Variants in SLC24A2 observed in about 807,000 individuals in gnomAD.
SLC24A2 encodes sodium/potassium/calcium exchanger 2.
SLC24A2 carries 36 observed loss-of-function variants against 62.0 expected under a neutral mutation model. That is an observed-to-expected ratio of 0.58 (90% CI 0.44 to 0.77). The LOEUF is 0.77. Among genes scored for constraint, SLC24A2 ranks in the 30% least tolerant of loss-of-function variants. The probability of loss-of-function intolerance (pLI) is 0.00; values close to 1 mark genes in which losing one functional copy is unlikely to be tolerated. For synonymous variants in SLC24A2, 358 were observed against 294.0 expected (o/e 1.22, Z -2.23); for missense variants, 846 against 817.9 (o/e 1.03, Z -0.42).
chr9:19,987,837 T>C, the SLC24A2 span, among the ~76,000 whole-genome samples: 3 of 152,174 alleles, frequency 2.0e-5, no homozygotes, highest in Admixed American at 1.3e-4. Flanking sequence ...AATCCTTACA[T>C]AGAGGAAACA....
intron 1 of SLC24A2, 26 bp downstream of exon 1, chr9:19,788,859 G>A: frequency 1.0e-6 from 1 of 985,444 alleles, no homozygotes; most frequent in Non-Finnish European, 1.2e-6. Flanking sequence ...TACAGCGGCA[G>A]GCGGGGCGCA....
the SLC24A2 span, among the ~76,000 whole-genome samples, chr9:19,858,995 T>C: frequency 4.6e-5 from 7 of 152,194 alleles, no homozygotes. Flanking sequence ...ATTTCATTAT[T>C]GGGTATATAC....
chr9:19,890,422 G>A, the SLC24A2 span, among the ~76,000 whole-genome samples: 1 of 152,134 alleles, frequency 6.6e-6, no homozygotes, highest in South Asian at 2.1e-4. Flanking sequence ...TCTCACCAAT[G>A]TCAATGGGCA....
chr9:19,570,586 C>T (rs1294040085), intron 7 of SLC24A2, among the ~76,000 whole-genome samples: 1 of 152,194 alleles, frequency 6.6e-6, no homozygotes, highest in Non-Finnish European at 1.5e-5. Flanking sequence ...TGAGCTCTTT[C>T]AAGGAAAGGA....
In SLC24A2 at chr9:19,532,728, T is replaced by C. The variant is rs555193395; in HGVS notation, c.1480-4590A>G. Among the ~76,000 whole-genome samples the C allele has an allele frequency of 3.3e-5, 5 of 152,332 alleles. No homozygotes were observed. In the East Asian group the frequency reaches 9.6e-4, roughly 29 times the overall value. On this transcript the variant is annotated intron_variant, in intron 8 of 10. Coordinates refer to ENST00000341998, the MANE Select transcript of SLC24A2 (RefSeq NM_020344.4). ...CCAAACCTCTGTGGGTGTCAATTAC[T>C]TTATCCTTGTTAGACCTTGCTTGGC... is the stretch of plus-strand genomic sequence containing the variant.
chr9:19,922,887 T>C, the SLC24A2 span, among the ~76,000 whole-genome samples: 1 of 151,728 alleles, frequency 6.6e-6, no homozygotes, highest in South Asian at 2.1e-4. Flanking sequence ...GATATTAACT[T>C]TTAAATATTT....
At chr9:19,883,193 A>C in the SLC24A2 span, among the ~76,000 whole-genome samples, 1 of 152,220 alleles carries the variant, frequency 6.6e-6, no homozygotes, top group African/African-American at 2.4e-5. Context: ...TGTTTGCACC[A>C]GGCAAATGTC....
the SLC24A2 span, among the ~76,000 whole-genome samples, chr9:20,058,265 G>A: frequency 6.6e-6 from 1 of 152,108 alleles, no homozygotes. Context: ...TAGACATAAT[G>A]TAAGTCACAC....
chr9:20,115,902 C>A, the SLC24A2 span, among the ~76,000 whole-genome samples: 1 of 152,062 alleles, frequency 6.6e-6, no homozygotes, highest in Non-Finnish European at 1.5e-5. Flanking sequence ...CTAATTGGGG[C>A]AAAGTAATTT....
the SLC24A2 span, among the ~76,000 whole-genome samples, chr9:20,225,576 T>TATATATTATATATATATA: frequency 1.6e-5 from 2 of 126,442 alleles, no homozygotes; most frequent in Admixed American, 8.7e-5. Context: ...ATATATATAA[T>TATATATTATATATATATA]TTCATTTAAA....
chr9:19,708,682 C>T (rs1437536820), intron 2 of SLC24A2, among the ~76,000 whole-genome samples: 2 of 152,170 alleles, frequency 1.3e-5, no homozygotes, highest in African/African-American at 4.8e-5. Flanking sequence ...ATAAATGGTG[C>T]TGGGAAAACT....
chr9:20,019,111 A>AGAGAGAG, the SLC24A2 span, among the ~76,000 whole-genome samples: 20 of 24,708 alleles, frequency 8.1e-4, no homozygotes, highest in South Asian at 1.9e-3. Flanking sequence ...GATAGAAAGA[A>AGAGAGAG]AGAAAGAAAG....
the SLC24A2 span, among the ~76,000 whole-genome samples, chr9:19,881,521 TA>T: frequency 2.0e-5 from 3 of 152,182 alleles, no homozygotes; most frequent in Admixed American, 2.0e-4. Context: ...CTTGTATCTT[TA>T]TACACTAGAA....
At chr9:19,985,399 C>T in the SLC24A2 span, among the ~76,000 whole-genome samples, 8 of 151,916 alleles carry the variant, frequency 5.3e-5, no homozygotes, top group Non-Finnish European at 7.4e-5. Flanking sequence ...AAATACTATT[C>T]GGAAATAAAA....
At chr9:20,082,087 C>A in the SLC24A2 span, among the ~76,000 whole-genome samples, 1 of 152,216 alleles carries the variant, frequency 6.6e-6, no homozygotes, top group Admixed American at 6.5e-5. Context: ...CAATCTTATG[C>A]CAAATAAATT....
At chr9:20,112,763 A>G in the SLC24A2 span, among the ~76,000 whole-genome samples, 178 of 152,064 alleles carry the variant, frequency 1.2e-3, 5 homozygotes, top group South Asian at 0.026. Context: ...CTGAAGGCGA[A>G]TCACCTAATT....
the SLC24A2 span, among the ~76,000 whole-genome samples, chr9:20,276,295 C>A: frequency 3.3e-5 from 5 of 152,118 alleles, no homozygotes; most frequent in Non-Finnish European, 5.9e-5. Flanking sequence ...AGAAATTGGC[C>A]AAAACAAAGG....
chr9:19,756,498 C>A (rs1032038162), intron 2 of SLC24A2, among the ~76,000 whole-genome samples: 1 of 152,138 alleles, frequency 6.6e-6, no homozygotes, highest in Non-Finnish European at 1.5e-5. Context: ...TCTATTGCTG[C>A]TCTAACACAT....
chr9:19,960,826 C>T, the SLC24A2 span, among the ~76,000 whole-genome samples: 3 of 152,112 alleles, frequency 2.0e-5, no homozygotes, highest in African/African-American at 7.2e-5. Context: ...TTGTCGTGAG[C>T]ATTAAGTGTG....
Sources: gnomAD v4.1 joint callset for allele counts (sites outside exome capture counted in the v4.1 genomes callset) on GRCh38, gnomAD v4.1.1 for gene constraint, MANE v1.5 for transcripts, NCBI Gene and HGNC (gene_info 2026-07-23, HGNC 2026-07-21) for gene names.